The following TFAP2D variants were observed in gnomAD, a reference collection of about 807,000 sequenced individuals.
TFAP2D encodes transcription factor AP-2-delta.
A neutral mutation model predicts 43.6 loss-of-function variants in TFAP2D; 9 were observed. The observed-to-expected ratio is 0.21, with a 90% CI of 0.12 to 0.36. The LOEUF (loss-of-function observed/expected upper bound fraction) is 0.36, where lower values mean the gene tolerates loss of function less well. Ranked by LOEUF, TFAP2D falls within the 10% of genes least tolerant of loss-of-function variation. The probability of loss-of-function intolerance (pLI) is 1.00; values close to 1 mark genes in which losing one functional copy is unlikely to be tolerated. For missense variants in TFAP2D, 513 were observed against 561.4 expected (o/e 0.91, Z 0.87); for synonymous variants, 256 against 224.9 (o/e 1.14, Z -1.24).
chr6:50,722,753 T>A (rs773173818), intron 3 of TFAP2D, among the ~76,000 whole-genome samples: 2 of 149,214 alleles, frequency 1.3e-5, no homozygotes, highest in Non-Finnish European at 3.0e-5. Context: ...TTTCCTTACA[T>A]GGGTGGAAAG....
At chr6:50,716,557 C>T (rs1256583868) in intron 2 of TFAP2D, among the ~76,000 whole-genome samples, 4 of 152,160 alleles carry the variant, frequency 2.6e-5, no homozygotes, top group South Asian at 2.1e-4. Flanking sequence ...CTCTCTTCTA[C>T]TTTATTTCTT....
At chr6:50,761,405 T>C (rs550441092) in intron 7 of TFAP2D, among the ~76,000 whole-genome samples, 15 of 152,174 alleles carry the variant, frequency 9.9e-5, no homozygotes, top group African/African-American at 3.4e-4. Flanking sequence ...CTCCAGCTTT[T>C]TGTACCCCAA....
chr6:50,770,514 C>G (rs539808029), intron 7 of TFAP2D, among the ~76,000 whole-genome samples: 2 of 152,060 alleles, frequency 1.3e-5, no homozygotes, highest in Non-Finnish European at 1.5e-5. Context: ...AAATTTTACC[C>G]TCTACCCAGA....
At chr6:50,762,271 A>G (rs969732098) in intron 7 of TFAP2D, among the ~76,000 whole-genome samples, 1 of 152,060 alleles carries the variant, frequency 6.6e-6, no homozygotes, top group South Asian at 2.1e-4. Context: ...GTTATAGACT[A>G]TATCAGTAAA....
chr6:50,753,753 G>A (rs1769228736), intron 7 of TFAP2D, among the ~76,000 whole-genome samples: 1 of 151,606 alleles, frequency 6.6e-6, no homozygotes, highest in Non-Finnish European at 1.5e-5. Context: ...ATAAAATGTT[G>A]ATATTATTTA....
intron 2 of TFAP2D, among the ~76,000 whole-genome samples, chr6:50,716,844 C>CA (rs766750556): frequency 1.6e-4 from 25 of 152,114 alleles, no homozygotes; most frequent in Non-Finnish European, 3.1e-4. Flanking sequence ...TTGTTGCGCA[C>CA]AAAAAATCTT....
intron 7 of TFAP2D, among the ~76,000 whole-genome samples, chr6:50,757,642 ATTCTATATATATAGAATATATATAAT>A (rs1769297695): frequency 1.4e-5 from 1 of 72,580 alleles, no homozygotes; most frequent in African/African-American, 5.7e-5. Context: ...ATATATAATT[ATTCTATATATATAGAATATATATAAT>A]TATTCTATAT....
chr6:50,766,151 A>G (rs1267151920), intron 7 of TFAP2D, among the ~76,000 whole-genome samples: 2 of 152,118 alleles, frequency 1.3e-5, no homozygotes, highest in Admixed American at 1.3e-4. Flanking sequence ...ATTCATTAAG[A>G]TCTTGTCAAA....
rs138561102 is a variant in TFAP2D, at chr6:50,759,286, A to T, written c.1139+7962A>T. On this transcript the variant is annotated intron_variant, in intron 7 of 7. Transcript: ENST00000008391. ...TTGGAATTAATTGTCAGGGGATCTA[A>T]CTCAGTCTCCACTTGGTTACCAGCT... is the stretch of plus-strand genomic sequence containing the variant. Among the ~76,000 whole-genome samples the T allele has an allele frequency of 3.6e-3, 545 of 152,026 alleles. 5 individuals carry two copies. The highest frequency in any genetic ancestry group is 0.012 in the African/African-American group (505 of 41,500).
At chr6:50,747,820 G>C (rs1769145992) in intron 6 of TFAP2D, among the ~76,000 whole-genome samples, 1 of 152,044 alleles carries the variant, frequency 6.6e-6, no homozygotes, top group Non-Finnish European at 1.5e-5. Flanking sequence ...TGACCAGGTA[G>C]TAGTATTTTC....
chr6:50,765,960 TTTCC>T (rs1221323847), intron 7 of TFAP2D, among the ~76,000 whole-genome samples: 1 of 152,226 alleles, frequency 6.6e-6, no homozygotes, highest in Non-Finnish European at 1.5e-5. Flanking sequence ...CAAAAATATT[TTTCC>T]TTCTAGGAGC....
At chr6:50,740,526 C>T (rs1042670757) in intron 5 of TFAP2D, among the ~76,000 whole-genome samples, 3 of 152,184 alleles carry the variant, frequency 2.0e-5, no homozygotes, top group Admixed American at 6.5e-5. Context: ...TTCCGCCTCC[C>T]GAGTTCAAGC....
chr6:50,722,055 G>A (rs1768735015), intron 3 of TFAP2D, among the ~76,000 whole-genome samples: 1 of 152,206 alleles, frequency 6.6e-6, no homozygotes, highest in Non-Finnish European at 1.5e-5. Context: ...GACTCATTTT[G>A]TTAAGTGGCA....
chr6:50,771,615 T>TA (rs1336628044), intron 7 of TFAP2D, among the ~76,000 whole-genome samples: 1 of 152,246 alleles, frequency 6.6e-6, no homozygotes, highest in Non-Finnish European at 1.5e-5. Flanking sequence ...AGCTACTTCT[T>TA]AATGAGGTGG....
At chr6:50,717,850 C>T (rs1430485767) in intron 2 of TFAP2D, among the ~76,000 whole-genome samples, 1 of 152,088 alleles carries the variant, frequency 6.6e-6, no homozygotes, top group African/African-American at 2.4e-5. Context: ...TGGGAGAAAC[C>T]CGTCTCTCTC....
intron 5 of TFAP2D, among the ~76,000 whole-genome samples, chr6:50,741,552 C>G (rs1431231258): frequency 3.3e-5 from 5 of 152,016 alleles, no homozygotes; most frequent in Non-Finnish European, 7.4e-5. Flanking sequence ...ATTTTCTGTT[C>G]CTGTGTTAGT....
At chr6:50,748,063 T>G (rs1391167325) in intron 6 of TFAP2D, among the ~76,000 whole-genome samples, 2 of 151,994 alleles carry the variant, frequency 1.3e-5, no homozygotes, top group Non-Finnish European at 2.9e-5. Context: ...TTATAATTTT[T>G]TATTTTTGTT....
At chr6:50,772,596 G>C in intron 7 of TFAP2D, 49 bp from the exon 8 acceptor site, 4 of 1,523,332 alleles carry the variant, frequency 2.6e-6, no homozygotes, top group Non-Finnish European at 3.6e-6. Context: ...TATTTCACAT[G>C]ATACTGCAAA....
At chr6:50,728,323 T>G (rs946111605) in intron 3 of TFAP2D, among the ~76,000 whole-genome samples, 1 of 152,140 alleles carries the variant, frequency 6.6e-6, no homozygotes, top group African/African-American at 2.4e-5. Context: ...GAGTAACTGG[T>G]TTTTAGCAGT....
Sources: gnomAD v4.1 joint callset for allele counts (sites outside exome capture counted in the v4.1 genomes callset) on GRCh38, gnomAD v4.1.1 for gene constraint, MANE v1.5 for transcripts, NCBI Gene and HGNC (gene_info 2026-07-23, HGNC 2026-07-21) for gene names.